Variants in CNTNAP2 observed in about 807,000 individuals in gnomAD.
CNTNAP2 encodes the protein contactin associated protein 2, also known as contactin-associated protein-like 2.
CNTNAP2 carries 98 observed loss-of-function variants against 155.2 expected under a neutral mutation model. That is an observed-to-expected ratio of 0.63 (90% CI 0.54 to 0.75). CNTNAP2 has a LOEUF of 0.75. Among genes scored for constraint, CNTNAP2 ranks in the 30% least tolerant of loss-of-function variants. The probability of loss-of-function intolerance (pLI) is 0.00; values close to 1 mark genes in which losing one functional copy is unlikely to be tolerated. For synonymous variants in CNTNAP2, 651 were observed against 631.2 expected (o/e 1.03, Z -0.47); for missense variants, 1,727 against 1,688.1 (o/e 1.02, Z -0.40).
intron 3 of CNTNAP2, among the ~76,000 whole-genome samples, chr7:146,891,657 G>T (rs943773649): frequency 6.6e-6 from 1 of 152,032 alleles, no homozygotes; most frequent in Non-Finnish European, 1.5e-5. Context: ...ATGACATTAT[G>T]AAGGATCTTC....
intron 2 of CNTNAP2, among the ~76,000 whole-genome samples, chr7:146,783,395 C>G (rs574599574): frequency 7.9e-4 from 121 of 152,260 alleles, no homozygotes; most frequent in Admixed American, 1.8e-3. Flanking sequence ...TTCCATCTAA[C>G]TGGTATTGTG....
At chr7:148,223,004 A>G (rs756948677) in intron 19 of CNTNAP2, among the ~76,000 whole-genome samples, 5 of 152,204 alleles carry the variant, frequency 3.3e-5, no homozygotes, top group Non-Finnish European at 7.3e-5. Flanking sequence ...TGCATGTGTC[A>G]ACAGTTATTA....
At chr7:146,934,435 C>G (rs13225775) in intron 3 of CNTNAP2, among the ~76,000 whole-genome samples, 31,130 of 109,066 alleles carry the variant, frequency 0.29, 4,674 homozygotes, top group Middle Eastern at 0.42. Context: ...ACTCCGTGGC[C>G]TGTTGTGGGG....
intron 15 of CNTNAP2, among the ~76,000 whole-genome samples, chr7:148,007,954 C>T (rs182963151): frequency 1.3e-4 from 20 of 152,228 alleles, no homozygotes; most frequent in Middle Eastern, 6.8e-3. Flanking sequence ...TGTGAATATG[C>T]GACCTTACAT....
At chr7:146,423,373 A>G (rs997748871) in intron 1 of CNTNAP2, among the ~76,000 whole-genome samples, 1 of 152,162 alleles carries the variant, frequency 6.6e-6, no homozygotes, top group African/African-American at 2.4e-5. Context: ...CCCCTCAAGA[A>G]TTTTATGATT....
intron 6 of CNTNAP2, among the ~76,000 whole-genome samples, chr7:147,125,305 G>A (rs566780692): frequency 5.3e-5 from 8 of 152,138 alleles, no homozygotes; most frequent in South Asian, 2.1e-4. Flanking sequence ...ATAAGTCACC[G>A]CTCCCGGCAT....
At chr7:146,609,822 G>C (rs1345019544) in intron 1 of CNTNAP2, among the ~76,000 whole-genome samples, 1 of 152,168 alleles carries the variant, frequency 6.6e-6, no homozygotes, top group Non-Finnish European at 1.5e-5. Context: ...CATAATTCTA[G>C]ATAGTATAGG....
At chr7:147,625,501 T>C (rs1341455331) in intron 12 of CNTNAP2, among the ~76,000 whole-genome samples, 1 of 152,244 alleles carries the variant, frequency 6.6e-6, no homozygotes, top group Non-Finnish European at 1.5e-5. Flanking sequence ...CAGTAACTGT[T>C]CTATTTCATC....
intron 13 of CNTNAP2, among the ~76,000 whole-genome samples, chr7:147,734,949 G>A (rs1394908014): frequency 1.7e-4 from 26 of 149,168 alleles, no homozygotes; most frequent in Admixed American, 1.6e-3. Context: ...CAATATTGTT[G>A]ATCTTTTCAA....
chr7:147,545,923 A>G (rs1452234234), intron 11 of CNTNAP2, among the ~76,000 whole-genome samples: 1 of 152,010 alleles, frequency 6.6e-6, no homozygotes, highest in Non-Finnish European at 1.5e-5. Context: ...CCAAGATCTG[A>G]TGGTTTTATA....
intron 1 of CNTNAP2, among the ~76,000 whole-genome samples, chr7:146,639,168 A>G (rs529239708): frequency 6.6e-6 from 1 of 152,374 alleles, no homozygotes; most frequent in South Asian, 2.1e-4. Flanking sequence ...TAGCAACTAT[A>G]TGAATATTAT....
At chr7:147,457,314 A>G (rs1797932412) in intron 10 of CNTNAP2, among the ~76,000 whole-genome samples, 2 of 152,136 alleles carry the variant, frequency 1.3e-5, no homozygotes, top group African/African-American at 4.8e-5. Flanking sequence ...CAAGAATGTC[A>G]TTTTCCTTCG....
chr7:148,313,214 T>G (rs1349896401), intron 21 of CNTNAP2, among the ~76,000 whole-genome samples: 1 of 149,956 alleles, frequency 6.7e-6, no homozygotes, highest in Non-Finnish European at 1.5e-5. Context: ...GCCTCCATAT[T>G]GATTAAGAAG....
intron 1 of CNTNAP2, among the ~76,000 whole-genome samples, chr7:146,486,343 C>T (rs976390054): frequency 2.0e-4 from 30 of 151,926 alleles, no homozygotes; most frequent in Non-Finnish European, 1.3e-4. Flanking sequence ...GGATTACAGG[C>T]GTGAGCAACA....
intron 16 of CNTNAP2, among the ~76,000 whole-genome samples, chr7:148,122,855 CA>C (rs1226178688): frequency 1.5e-4 from 20 of 136,982 alleles, no homozygotes; most frequent in African/African-American, 1.7e-4. Flanking sequence ...GAATACATCT[CA>C]AAAAAAAAAG....
At chr7:147,114,186 G>C (rs1800939262) in intron 5 of CNTNAP2, among the ~76,000 whole-genome samples, 1 of 151,902 alleles carries the variant, frequency 6.6e-6, no homozygotes, top group South Asian at 2.1e-4. Flanking sequence ...AGACTGTTAT[G>C]ATTTCAGTCC....
intron 2 of CNTNAP2, among the ~76,000 whole-genome samples, chr7:146,813,262 A>G (rs1803101299): frequency 1.3e-5 from 2 of 152,176 alleles, no homozygotes; most frequent in African/African-American, 4.8e-5. Context: ...TGCAACAGCC[A>G]CAGTCACTCA....
chr7:147,799,670 A>G (rs1179200848), intron 13 of CNTNAP2, among the ~76,000 whole-genome samples: 1 of 152,248 alleles, frequency 6.6e-6, no homozygotes, highest in Admixed American at 6.5e-5. Flanking sequence ...CAGGAAGGAA[A>G]TCATTTCAGG....
intron 1 of CNTNAP2, among the ~76,000 whole-genome samples, chr7:146,504,730 A>T (rs1797356513): frequency 6.6e-6 from 1 of 151,928 alleles, no homozygotes. Flanking sequence ...GCATCTAAGG[A>T]ATGTGGAAAT....
Sources: gnomAD v4.1 joint callset for allele counts (sites outside exome capture counted in the v4.1 genomes callset) on GRCh38, gnomAD v4.1.1 for gene constraint, MANE v1.5 for transcripts, NCBI Gene and HGNC (gene_info 2026-07-23, HGNC 2026-07-21) for gene names.